FHOD3: variants seen among roughly 807,000 people sequenced by gnomAD.
The protein encoded by FHOD3 is FH1/FH2 domain-containing protein 3.
Under a neutral mutation model 173.0 loss-of-function variants are expected in FHOD3, and 90 were observed. The ratio of observed to expected loss-of-function variants is 0.52; its 90% CI spans 0.44 to 0.62. The LOEUF is 0.62. Ranked by LOEUF, FHOD3 falls within the 20% of genes least tolerant of loss-of-function variation. The probability of loss-of-function intolerance (pLI) is 0.00; values close to 1 mark genes in which losing one functional copy is unlikely to be tolerated. For missense variants in FHOD3, 1,945 were observed against 2,034.7 expected (o/e 0.96, Z 0.85); for synonymous variants, 828 against 823.0 (o/e 1.01, Z -0.10).
chr18:36,408,359 G>A (rs954991535), intron 3 of FHOD3, among the ~76,000 whole-genome samples: 11 of 152,170 alleles, frequency 7.2e-5, no homozygotes, highest in Non-Finnish European at 1.3e-4. Context: ...GTCCTGCATT[G>A]GTGGGCAGAT....
intron 3 of FHOD3, among the ~76,000 whole-genome samples, chr18:36,438,558 C>G (rs2050943163): frequency 1.3e-5 from 2 of 152,172 alleles, no homozygotes; most frequent in Admixed American, 1.3e-4. Flanking sequence ...TCTAGCAGCC[C>G]CTCAAACTCA....
intron 5 of FHOD3, among the ~76,000 whole-genome samples, chr18:36,520,795 C>T (rs1291917405): frequency 6.6e-6 from 1 of 152,224 alleles, no homozygotes; most frequent in Non-Finnish European, 1.5e-5. Flanking sequence ...TTGGCCATTC[C>T]TACACAGAGA....
intron 5 of FHOD3, among the ~76,000 whole-genome samples, chr18:36,552,791 C>A (rs1284927214): frequency 6.6e-6 from 1 of 152,146 alleles, no homozygotes; most frequent in Non-Finnish European, 1.5e-5. Flanking sequence ...AGCCACTGCG[C>A]CCGGCCAATA....
chr18:36,519,456 T>A (rs926757512), intron 5 of FHOD3, among the ~76,000 whole-genome samples: 2 of 152,184 alleles, frequency 1.3e-5, no homozygotes, highest in Non-Finnish European at 2.9e-5. Flanking sequence ...CTTGTCCATG[T>A]CTCATTGGTC....
At chr18:36,421,186 T>C (rs2049965154) in intron 3 of FHOD3, among the ~76,000 whole-genome samples, 1 of 152,224 alleles carries the variant, frequency 6.6e-6, no homozygotes, top group South Asian at 2.1e-4. Context: ...TTTCAAAAAC[T>C]AAAACATTTT....
intron 5 of FHOD3, among the ~76,000 whole-genome samples, chr18:36,525,800 A>G (rs1353728743): frequency 1.3e-5 from 2 of 152,172 alleles, no homozygotes; most frequent in Non-Finnish European, 2.9e-5. Flanking sequence ...CAGACCTCTC[A>G]TGTGGGTCTC....
intron 2 of FHOD3, among the ~76,000 whole-genome samples, chr18:36,370,154 G>A (rs2047109982): frequency 6.6e-6 from 1 of 152,046 alleles, no homozygotes; most frequent in South Asian, 2.1e-4. Flanking sequence ...CCTTTACTCT[G>A]AACCTGGGAT....
At chr18:36,458,878 G>A (rs2052384929) in intron 3 of FHOD3, among the ~76,000 whole-genome samples, 1 of 152,114 alleles carries the variant, frequency 6.6e-6, no homozygotes, top group Non-Finnish European at 1.5e-5. Context: ...TTTTTGAGCT[G>A]TGTAATTATT....
chr18:36,654,945 A>G (rs991622830), intron 13 of FHOD3, among the ~76,000 whole-genome samples: 1 of 152,192 alleles, frequency 6.6e-6, no homozygotes, highest in Non-Finnish European at 1.5e-5. Flanking sequence ...TCCATTTTTA[A>G]AAAGAGCAGA....
chr18:36,577,140 T>C (rs1231383266), intron 6 of FHOD3, among the ~76,000 whole-genome samples: 1 of 152,086 alleles, frequency 6.6e-6, no homozygotes, highest in Non-Finnish European at 1.5e-5. Flanking sequence ...GTGAACCATC[T>C]GTATTTCATG....
intron 6 of FHOD3, among the ~76,000 whole-genome samples, chr18:36,590,308 C>T (rs1402429458): frequency 2.0e-5 from 3 of 152,170 alleles, no homozygotes; most frequent in Admixed American, 6.5e-5. Flanking sequence ...TTCCAAGCTT[C>T]CAAGGGTTTT....
At position 36,760,765 on chromosome 18, in the gene FHOD3, G is replaced by T. The variant is rs2150269267; in HGVS notation, c.4607G>T (p.Arg1536Leu). 1.2e-6 allele frequency: 2 copies of T among 1,608,950 alleles called. No homozygotes were observed. The highest frequency in any genetic ancestry group is 2.7e-5 in the African/African-American group (2 of 74,984). Residue 1536 changes from arginine to leucine, a missense_variant, in exon 27 of 29, where the codon CGC becomes CTC. Around this residue, in one of 5 missense-constraint regions of FHOD3, gnomAD observed 354 missense variants for 359.9 expected, o/e 0.98. Coordinates refer to ENST00000590592, the MANE Select transcript of FHOD3 (RefSeq NM_001281740.3). ...DATPALGVRT[R>L]SRASRGSTSS... is the part of the protein sequence containing the mutation. ...ACCCCCGCGCTGGGCGTCCGCACAC[G>T]CAGCCGAGCAAGCCGAGGTAACTCC...
At chr18:36,310,597 G>A (rs571570983) in intron 1 of FHOD3, among the ~76,000 whole-genome samples, 1 of 150,580 alleles carries the variant, frequency 6.6e-6, no homozygotes, top group African/African-American at 2.5e-5. Flanking sequence ...TGAGGCAGGA[G>A]AATTGCTTGA....
rs1461002957 is a variant in FHOD3, at chr18:36,479,774, G to A, written c.338-22158G>A. On this transcript the variant is annotated intron_variant, in intron 3 of 28. Transcript: ENST00000590592. ...CTGTAATCAGTAGATCCATAAATGT[G>A]TAAAATGGACTGACGAGTCTCATTC... Among the ~76,000 whole-genome samples, 5 of 152,112 alleles carry A rather than the reference G, an allele frequency of 3.3e-5. No homozygotes were observed. In the East Asian group the frequency reaches 9.6e-4, roughly 29 times the overall value.
rs1201439063 is a variant in FHOD3, at chr18:36,363,126, TA to T, written c.272+7488del. 2.0e-5 allele frequency among the ~76,000 whole-genome samples: 3 copies of T among 151,978 alleles called. No homozygotes were observed. The East Asian group carries it at 5.8e-4, about 29-fold the overall frequency. On this transcript the variant is annotated intron_variant, in intron 2 of 28. Transcript: ENST00000590592. Reference sequence around the variant, plus strand: ...TACACACCCCTTAGAATGGCTAAAATAAAAAAACACGGATATCATCAAATGC... The same window carrying T: ...TACACACCCCTTAGAATGGCTAAAATAAAAAACACGGATATCATCAAATGC...
chr18:36,396,279 A>G (rs1367252958), intron 3 of FHOD3, among the ~76,000 whole-genome samples: 2 of 152,166 alleles, frequency 1.3e-5, no homozygotes, highest in Non-Finnish European at 2.9e-5. Context: ...CAAATTATAT[A>G]TAAAATTTTA....
intron 14 of FHOD3, among the ~76,000 whole-genome samples, chr18:36,679,816 A>C (rs993681952): frequency 5.3e-5 from 8 of 152,130 alleles, no homozygotes; most frequent in Non-Finnish European, 1.0e-4. Flanking sequence ...TCAATTTTTG[A>C]GTAGTCCTTA....
chr18:36,590,959 A>T (rs925566503), intron 6 of FHOD3, among the ~76,000 whole-genome samples: 2 of 152,132 alleles, frequency 1.3e-5, no homozygotes, highest in Admixed American at 6.5e-5. Flanking sequence ...AGACCAGCTA[A>T]TGGGGGGAGT....
At chr18:36,362,816 A>C (rs1246439193) in intron 2 of FHOD3, among the ~76,000 whole-genome samples, 1 of 152,242 alleles carries the variant, frequency 6.6e-6, no homozygotes, top group East Asian at 1.9e-4. Context: ...ATTTTTGACT[A>C]TATTTTTATC....
Sources: allele counts gnomAD v4.1 joint callset (sites outside exome capture counted in the v4.1 genomes callset), GRCh38; gene constraint gnomAD v4.1.1; regional missense constraint gnomAD v4.1.1; transcripts MANE v1.5; gene names NCBI Gene and HGNC (gene_info 2026-07-23, HGNC 2026-07-21).